The following ZBTB44 variants were observed in gnomAD, a reference collection of about 807,000 sequenced individuals.
The protein encoded by ZBTB44 is zinc finger and BTB domain-containing protein 44.
In ZBTB44, 15 loss-of-function variants were observed where a neutral mutation model predicts 54.0. That is an observed-to-expected ratio of 0.28 (90% CI 0.19 to 0.43). The LOEUF is 0.43. Among genes scored for constraint, ZBTB44 ranks in the 20% least tolerant of loss-of-function variants. ZBTB44 has a pLI of 1.00. For missense variants in ZBTB44, 487 were observed against 707.1 expected (o/e 0.69, Z 3.53); for synonymous variants, 230 against 250.1 (o/e 0.92, Z 0.76).
chr11:130,306,774 A>C (rs1468103286), intron 1 of ZBTB44, among the ~76,000 whole-genome samples: 1 of 152,168 alleles, frequency 6.6e-6, no homozygotes, highest in Non-Finnish European at 1.5e-5. Flanking sequence ...CATTATTCTA[A>C]GTGAAGTAAC....
At chr11:130,272,893 C>G (rs776567300) in intron 1 of ZBTB44, among the ~76,000 whole-genome samples, 2 of 152,186 alleles carry the variant, frequency 1.3e-5, no homozygotes, top group African/African-American at 2.4e-5. Context: ...TATATCTGGA[C>G]TCTCTATTCC....
chr11:130,281,346 C>T (rs1472260539), intron 1 of ZBTB44, among the ~76,000 whole-genome samples: 1 of 151,740 alleles, frequency 6.6e-6, no homozygotes, highest in African/African-American at 2.4e-5. Context: ...ACAGTGAGAC[C>T]CTGTCTCCAC....
chr11:130,250,019 T>C (rs1937870391), intron 2 of ZBTB44, among the ~76,000 whole-genome samples: 1 of 152,172 alleles, frequency 6.6e-6, no homozygotes, highest in African/African-American at 2.4e-5. Context: ...ACCACTGGCT[T>C]GAAATTCTCA....
chr11:130,283,101 G>T (rs936670101), intron 1 of ZBTB44, among the ~76,000 whole-genome samples: 1 of 136,240 alleles, frequency 7.3e-6, no homozygotes, highest in Non-Finnish European at 1.5e-5. Flanking sequence ...CTGGAGTGTA[G>T]TGGCGCAACC....
At chr11:130,238,149 C>T (rs1436979901) in intron 4 of ZBTB44, among the ~76,000 whole-genome samples, 4 of 152,200 alleles carry the variant, frequency 2.6e-5, no homozygotes, top group Non-Finnish European at 5.9e-5. Flanking sequence ...GCTTTACCAT[C>T]TGTGTTTGTG....
chr11:130,309,402 C>T (rs1942459749), intron 1 of ZBTB44, among the ~76,000 whole-genome samples: 2 of 152,266 alleles, frequency 1.3e-5, no homozygotes, highest in African/African-American at 2.4e-5. Context: ...GATAAACTGC[C>T]TAATTGTGCT....
At position 130,233,325 on chromosome 11, in the gene ZBTB44, G is replaced by A. The variant is rs2136255902; in HGVS notation, c.*31C>T. ...TTACATACTTCATTCTCCGTTCCTG[G>A]TCATTTCATCCACAGCTTGACTGTT... On this transcript the variant is annotated 3_prime_UTR_variant, in exon 7 of 8. Transcript: ENST00000357899. 1 of 1,531,226 alleles carries A rather than the reference G, an allele frequency of 6.5e-7. No individual in the cohort carries two copies. The highest frequency in any genetic ancestry group is 2.4e-5 in the East Asian group (1 of 40,880). The allele number at this position is 1,531,226 out of a possible 1,614,324, so 94.9% of individuals were successfully genotyped here. A position where few individuals can be genotyped will look rare whatever the true frequency, so the allele number is the denominator to read the frequency against.
At chr11:130,247,402 C>T (rs1051351377) in intron 2 of ZBTB44, among the ~76,000 whole-genome samples, 1 of 152,174 alleles carries the variant, frequency 6.6e-6, no homozygotes, top group African/African-American at 2.4e-5. Context: ...CTGAATTAAG[C>T]TCAAATAGTT....
intron 2 of ZBTB44, among the ~76,000 whole-genome samples, 185 bp from the exon 3 acceptor site, chr11:130,240,081 G>A (rs1426572522): frequency 5.8e-5 from 8 of 136,884 alleles, no homozygotes; most frequent in East Asian, 2.1e-4. Flanking sequence ...TCGCTCTGTC[G>A]CCCAGGCTGG....
intron 2 of ZBTB44, among the ~76,000 whole-genome samples, chr11:130,252,213 C>T (rs1591958097): frequency 6.6e-6 from 1 of 152,246 alleles, no homozygotes; most frequent in East Asian, 1.9e-4. Flanking sequence ...ATCAATGCAA[C>T]AAGAAGAGCT....
intron 1 of ZBTB44, among the ~76,000 whole-genome samples, chr11:130,302,665 C>A (rs17139304): frequency 0.064 from 9,751 of 152,242 alleles, 744 homozygotes; most frequent in African/African-American, 0.18. Context: ...ACAACAGTAA[C>A]CACCACCAGT....
chr11:130,306,144 T>A (rs1341702253), intron 1 of ZBTB44, among the ~76,000 whole-genome samples: 1 of 152,216 alleles, frequency 6.6e-6, no homozygotes, highest in African/African-American at 2.4e-5. Context: ...GGAACACTTT[T>A]ACACTGCTGG....
intron 1 of ZBTB44, among the ~76,000 whole-genome samples, chr11:130,299,339 A>G (rs1453979082): frequency 6.6e-6 from 1 of 152,194 alleles, no homozygotes; most frequent in African/African-American, 2.4e-5. Context: ...CTTCTAAATA[A>G]TAACCCATGG....
At chr11:130,271,234 T>A (rs577245913) in intron 1 of ZBTB44, among the ~76,000 whole-genome samples, 86 of 152,314 alleles carry the variant, frequency 5.6e-4, no homozygotes, top group African/African-American at 1.8e-3. Context: ...CAGTCTTGAA[T>A]TTCACATTAA....
intron 2 of ZBTB44, among the ~76,000 whole-genome samples, chr11:130,241,805 T>G (rs1193644033): frequency 6.6e-6 from 1 of 152,244 alleles, no homozygotes; most frequent in Admixed American, 6.5e-5. Context: ...TCATGTTTTG[T>G]GCCTTATGTT....
At chr11:130,295,109 G>A (rs1231387431) in intron 1 of ZBTB44, among the ~76,000 whole-genome samples, 1 of 152,112 alleles carries the variant, frequency 6.6e-6, no homozygotes, top group East Asian at 1.9e-4. Context: ...TCCTGCGCAA[G>A]AAGATCAAGA....
chr11:130,268,618 A>G (rs1939433221), intron 1 of ZBTB44, among the ~76,000 whole-genome samples: 1 of 152,106 alleles, frequency 6.6e-6, no homozygotes, highest in African/African-American at 2.4e-5. Flanking sequence ...TCACTCTGTC[A>G]CCCAGGCTGG....
In ZBTB44 at chr11:130,259,959, A is replaced by C. The variant is rs529137878; in HGVS notation, c.1018+897T>G. Among the ~76,000 whole-genome samples the C allele has an allele frequency of 1.3e-4, 20 of 152,298 alleles. No homozygotes were observed. The South Asian group carries it at 4.1e-3, about 32-fold the overall frequency. On this transcript the variant is annotated intron_variant, in intron 2 of 7. Coordinates refer to ENST00000357899, the MANE Select transcript of ZBTB44 (RefSeq NM_001301098.2). ...CCAGAATTTGAATTAAAAAAAAGAA[A>C]AAAATACTGCCAGAGAAAACAACTA...
At chr11:130,279,308 T>TAAAA (rs757969480) in intron 1 of ZBTB44, among the ~76,000 whole-genome samples, 31 of 110,140 alleles carry the variant, frequency 2.8e-4, no homozygotes, top group African/African-American at 5.0e-4. Context: ...TACTGTTATT[T>TAAAA]AAAAAAAAAA....
Sources: gnomAD v4.1 joint callset for allele counts (sites outside exome capture counted in the v4.1 genomes callset) on GRCh38, gnomAD v4.1.1 for gene constraint, MANE v1.5 for transcripts, NCBI Gene and HGNC (gene_info 2026-07-23, HGNC 2026-07-21) for gene names.